The following KMT2C variants were observed in gnomAD, a reference collection of about 807,000 sequenced individuals.
KMT2C encodes the protein lysine methyltransferase 2C.
Under a neutral mutation model 507.9 loss-of-function variants are expected in KMT2C, and 88 were observed. That is an observed-to-expected ratio of 0.17 (90% CI 0.15 to 0.21). KMT2C has a LOEUF of 0.21. KMT2C is among the 10% of genes least tolerant of loss of function. KMT2C has a pLI of 1.00. For synonymous variants in KMT2C, 2,049 were observed against 2,080.8 expected (o/e 0.98, Z 0.42); for missense variants, 4,954 against 5,957.8 (o/e 0.83, Z 5.55).
In KMT2C at chr7:152,151,508, A is replaced by G. The variant is rs747703734; in HGVS notation, c.12600T>C (p.His4200=). Residue 4200 remains histidine (H), a synonymous_variant, in exon 50 of 59, where the codon CAT becomes CAC. Transcript: ENST00000262189. ...SAALRPQWCC[H]CKVVILGSGV... is the part of the protein sequence containing the mutation. ...CACTTCCAAGAATAACCACTTTACA[A>G]TGACAACACCACTGTGGTCTGAGTG... is the stretch of plus-strand genomic sequence containing the variant. 4 of 1,614,002 alleles carry G rather than the reference A, an allele frequency of 2.5e-6. No homozygotes were observed. The African/African-American group carries it at 5.3e-5, about 22-fold the overall frequency.
chr7:152,349,914 T>C (rs1384539061), intron 2 of KMT2C, among the ~76,000 whole-genome samples: 2 of 152,176 alleles, frequency 1.3e-5, no homozygotes, highest in African/African-American at 4.8e-5. Context: ...TTTCAGTACC[T>C]TCCTCACAAT....
At chr7:152,318,611 A>T (rs1290308989) in intron 3 of KMT2C, among the ~76,000 whole-genome samples, 1 of 144,186 alleles carries the variant, frequency 6.9e-6, no homozygotes, top group Non-Finnish European at 1.5e-5. Flanking sequence ...TGGGCAACAG[A>T]GCAAGACTCC....
chr7:152,196,668 A>C (rs2093972313), intron 27 of KMT2C, among the ~76,000 whole-genome samples: 1 of 152,266 alleles, frequency 6.6e-6, no homozygotes, highest in Non-Finnish European at 1.5e-5. Flanking sequence ...CATCGCTGTA[A>C]GTGCTATTTA....
intron 2 of KMT2C, among the ~76,000 whole-genome samples, chr7:152,352,819 T>G (rs1377726601): frequency 6.6e-6 from 1 of 152,236 alleles, no homozygotes; most frequent in East Asian, 1.9e-4. Flanking sequence ...ATAAAACTTT[T>G]GCCAAAGAGC....
chr7:152,203,966 A>C (rs1423847329), intron 25 of KMT2C, among the ~76,000 whole-genome samples: 1 of 152,154 alleles, frequency 6.6e-6, no homozygotes, highest in Non-Finnish European at 1.5e-5. Context: ...CTCAAACTCC[A>C]ATTTTCAGAG....
intron 16 of KMT2C, among the ~76,000 whole-genome samples, chr7:152,234,674 G>C (rs1305662346): frequency 2.0e-5 from 3 of 152,230 alleles, no homozygotes; most frequent in Admixed American, 1.3e-4. Context: ...GCCAAGGTGG[G>C]AAAACTGCTT....
In KMT2C at chr7:152,136,719, A is replaced by G; in HGVS notation, c.*113T>C. The G allele has an allele frequency of 2.6e-6, 2 of 770,082 alleles. No homozygotes were observed. Among genetic ancestry groups the G allele is most frequent in the Non-Finnish European group, 4.4e-6 (2 of 454,838 alleles). 47.7% of individuals were successfully genotyped at this position (770,082 alleles called of 1,614,324 possible). On this transcript the variant is annotated 3_prime_UTR_variant, in exon 59 of 59. Transcript: ENST00000262189. ...ATCAGAACTCCCAGAAGCTTTTTCA[A>G]AAAGTCATAAAACAGAAAACAAAAA...
chr7:152,235,013 T>G (rs1227337683), intron 16 of KMT2C, among the ~76,000 whole-genome samples: 1 of 152,152 alleles, frequency 6.6e-6, no homozygotes, highest in Admixed American at 6.5e-5. Flanking sequence ...TCCAAATAAT[T>G]GTGCTGAAAT....
intron 6 of KMT2C, among the ~76,000 whole-genome samples, chr7:152,298,319 A>G (rs1202779446): frequency 1.3e-5 from 2 of 152,300 alleles, no homozygotes; most frequent in South Asian, 4.1e-4. Context: ...AACCCCAAGC[A>G]CAAGAAACAT....
At chr7:152,425,589 A>C (rs975765160) in intron 1 of KMT2C, among the ~76,000 whole-genome samples, 8 of 152,176 alleles carry the variant, frequency 5.3e-5, no homozygotes, top group Admixed American at 2.0e-4. Context: ...AAAACAAACA[A>C]ACACTTGGCC....
chr7:152,164,153 C>CA (rs2092609546), intron 42 of KMT2C, among the ~76,000 whole-genome samples: 1 of 151,896 alleles, frequency 6.6e-6, no homozygotes, highest in African/African-American at 2.4e-5. Context: ...AAAAAATATA[C>CA]AATAAAAAAG....
In KMT2C at chr7:152,176,910, T is replaced by C. The variant is rs2129113858; in HGVS notation, c.8543A>G (p.Asn2848Ser). The change falls in exon 38 of 59, where the codon AAT becomes AGT. Residue 2848 changes from asparagine to serine, a missense_variant. This residue lies in a region of KMT2C where 1,689 missense variants were observed against 1,654.3 expected (regional missense o/e 1.02). Coordinates refer to ENST00000262189, the MANE Select transcript of KMT2C (RefSeq NM_170606.3). ...AGCCTGTGAGCAAGGAGTGTCAACA[T>C]TATCTTTATTCTCATCATTTTTTTC... ...ETEKNDENKD[N>S]VDTPCSQASA... 1 of 1,614,178 alleles carries C rather than the reference T, an allele frequency of 6.2e-7. No homozygotes were observed. The highest frequency in any genetic ancestry group is 1.1e-5 in the South Asian group (1 of 91,074).
chr7:152,388,078 G>GA (rs909291426), intron 1 of KMT2C, among the ~76,000 whole-genome samples: 1 of 135,580 alleles, frequency 7.4e-6, no homozygotes, highest in Non-Finnish European at 1.6e-5. Context: ...AGGCTGGGGG[G>GA]AAAAAATGTA....
chr7:152,185,471 G>A, intron 34 of KMT2C, 87 bp downstream of exon 34: 1 of 971,620 alleles, frequency 1.0e-6, no homozygotes. Context: ...TTTCTGAAAT[G>A]GAAATTTGTT....
At chr7:152,150,395 G>A (rs1347312459) in intron 51 of KMT2C, among the ~76,000 whole-genome samples, 1 of 152,090 alleles carries the variant, frequency 6.6e-6, no homozygotes, top group African/African-American at 2.4e-5. Flanking sequence ...GAGGTGGGCG[G>A]ATCACGAGGT....
chr7:152,179,659 T>G (rs1406628720), intron 37 of KMT2C, among the ~76,000 whole-genome samples, 175 bp downstream of exon 37: 4 of 66,146 alleles, frequency 6.0e-5, no homozygotes, highest in Non-Finnish European at 1.5e-4. Flanking sequence ...TTGAAGAGGT[T>G]GGGGGGGGGG....
At chr7:152,313,478 A>C (rs1247026545) in intron 4 of KMT2C, among the ~76,000 whole-genome samples, 1 of 152,140 alleles carries the variant, frequency 6.6e-6, no homozygotes, top group East Asian at 1.9e-4. Flanking sequence ...ACAGCAGCCC[A>C]GCTTAGAAAG....
In KMT2C at chr7:152,139,804, G is replaced by A. The variant is rs1356946800; in HGVS notation, c.14344-13C>T. The A allele has an allele frequency of 6.4e-7, 1 of 1,569,324 alleles. No homozygotes were observed. Among genetic ancestry groups the A allele is most frequent in the Non-Finnish European group, 8.8e-7 (1 of 1,140,568 alleles). On this transcript the variant is annotated splice_polypyrimidine_tract_variant and intron_variant, in intron 55 of 58. Coordinates refer to ENST00000262189, the MANE Select transcript of KMT2C (RefSeq NM_170606.3). ...ACAGGCCCAGCCCCTAAAAAAAAGT[G>A]TGTACATACTTCCAATTTATGTGAC...
At chr7:152,435,251 C>T (rs931973590) in intron 1 of KMT2C, among the ~76,000 whole-genome samples, 1 of 152,048 alleles carries the variant, frequency 6.6e-6, no homozygotes, top group African/African-American at 2.4e-5. Context: ...CGGAGTCCGT[C>T]CGGGGACTAC....
Sources: allele counts gnomAD v4.1 joint callset (sites outside exome capture counted in the v4.1 genomes callset), GRCh38; gene constraint gnomAD v4.1.1; regional missense constraint gnomAD v4.1.1; transcripts MANE v1.5; gene names NCBI Gene and HGNC (gene_info 2026-07-23, HGNC 2026-07-21).